The following COL4A6 variants were observed in gnomAD, a reference collection of about 807,000 sequenced individuals.
The protein encoded by COL4A6 is collagen alpha-6(IV) chain.
Under a neutral mutation model 126.7 loss-of-function variants are expected in COL4A6, and 59 were observed. The observed-to-expected ratio is 0.47, with a 90% CI of 0.38 to 0.58. The LOEUF is 0.58. COL4A6 is among the 20% of genes least tolerant of loss of function. The pLI is 0.00. For synonymous variants in COL4A6, 547 were observed against 496.6 expected (o/e 1.10, Z -1.35); for missense variants, 1,285 against 1,337.3 (o/e 0.96, Z 0.61).
At chrX:108,271,844 T>C (rs1423724440) in intron 3 of COL4A6, among the ~76,000 whole-genome samples, 4 of 112,267 alleles carry the variant, frequency 3.6e-5, no homozygotes, top group African/African-American at 3.2e-5. Flanking sequence ...ATTTACACCA[T>C]GTTTCTCTTG....
intron 2 of COL4A6, among the ~76,000 whole-genome samples, chrX:108,391,648 G>T (rs1463890386): frequency 8.9e-6 from 1 of 112,274 alleles, no homozygotes; most frequent in Non-Finnish European, 1.9e-5. Context: ...CCAGGCACCA[G>T]AGGGAATCTC....
chrX:108,185,831 A>G (rs5929106), intron 23 of COL4A6, among the ~76,000 whole-genome samples: 14 of 112,293 alleles, frequency 1.2e-4, no homozygotes, highest in Non-Finnish European at 2.3e-4. Flanking sequence ...TAGCAATGAC[A>G]TACTGTGGAG....
chrX:108,433,874 C>T lies in COL4A6; in HGVS notation c.63+4068G>A, dbSNP rs775673630. On this transcript the variant is annotated intron_variant, in intron 2 of 44. Coordinates refer to ENST00000334504, the MANE Select transcript of COL4A6 (RefSeq NM_033641.4). ...GAGCTGTGGTGTGTGCCTATAGTCC[C>T]AGCTACTCAGGAGGCTGAGGCAGGT... Among the ~76,000 whole-genome samples the T allele has an allele frequency of 5.4e-5, 6 of 111,959 alleles. No individual in the cohort carries two copies. The East Asian group carries it at 1.7e-3, about 32-fold the overall frequency.
intron 3 of COL4A6, among the ~76,000 whole-genome samples, chrX:108,286,385 G>C (rs1459316998): frequency 1.8e-5 from 2 of 112,065 alleles, no homozygotes; most frequent in African/African-American, 6.5e-5. Context: ...CTCTGAACTT[G>C]AGATGTGATG....
chrX:108,373,983 A>G (rs891279163), intron 2 of COL4A6, among the ~76,000 whole-genome samples: 2 of 112,284 alleles, frequency 1.8e-5, no homozygotes, highest in Non-Finnish European at 3.8e-5. Context: ...TCCTCCCCCA[A>G]AAGAAAATAA....
At chrX:108,297,096 G>A (rs1268146339) in intron 3 of COL4A6, among the ~76,000 whole-genome samples, 1 of 111,671 alleles carries the variant, frequency 9.0e-6, no homozygotes, top group Non-Finnish European at 1.9e-5. Context: ...GAAATTTTGA[G>A]TATAAACAAA....
intron 3 of COL4A6, among the ~76,000 whole-genome samples, chrX:108,292,000 T>A (rs1603026367): frequency 8.9e-6 from 1 of 112,108 alleles, no homozygotes; most frequent in East Asian, 2.8e-4. Context: ...ATAGAATATA[T>A]CTATGCCCAA....
intron 2 of COL4A6, among the ~76,000 whole-genome samples, chrX:108,427,086 G>A (rs1441679032): frequency 8.9e-6 from 1 of 111,735 alleles, no homozygotes; most frequent in African/African-American, 3.3e-5. Context: ...ATAAGTGGCC[G>A]GCAATAACTA....
chrX:108,402,858 A>G (rs774184778), intron 2 of COL4A6, among the ~76,000 whole-genome samples: 4 of 111,329 alleles, frequency 3.6e-5, no homozygotes, highest in African/African-American at 1.3e-4. Flanking sequence ...GGCCGAATAC[A>G]TGCTCAATTT....
chrX:108,367,314 A>G (rs1003057554), intron 2 of COL4A6, among the ~76,000 whole-genome samples: 1 of 111,925 alleles, frequency 8.9e-6, no homozygotes, highest in East Asian at 2.8e-4. Flanking sequence ...ATAATGTACA[A>G]AAGGTACTTT....
chrX:108,383,165 A>C (rs1399982281), intron 2 of COL4A6, among the ~76,000 whole-genome samples: 2 of 110,436 alleles, frequency 1.8e-5, no homozygotes, highest in Non-Finnish European at 3.8e-5. Context: ...CAGAATGAAT[A>C]AAAAGCAAGA....
At chrX:108,396,710 A>C (rs2148191561) in intron 2 of COL4A6, among the ~76,000 whole-genome samples, 1 of 111,884 alleles carries the variant, frequency 8.9e-6, no homozygotes, top group South Asian at 3.8e-4. Context: ...TAAGATTTAT[A>C]AAATGATGTC....
chrX:108,214,050 A>C (rs1198923789), intron 6 of COL4A6, 62 bp downstream of exon 6: 1 of 990,614 alleles, frequency 1.0e-6, no homozygotes, highest in African/African-American at 1.9e-5. Flanking sequence ...GAGGCAGAAA[A>C]AGGGCACACG....
At chrX:108,381,438 A>G (rs1164164711) in intron 2 of COL4A6, among the ~76,000 whole-genome samples, 4 of 112,370 alleles carry the variant, frequency 3.6e-5, no homozygotes, top group Non-Finnish European at 7.5e-5. Context: ...TGATGTCTAC[A>G]TGTTGAAAAC....
chrX:108,354,268 C>T (rs1267761742), intron 2 of COL4A6, among the ~76,000 whole-genome samples: 5 of 111,544 alleles, frequency 4.5e-5, no homozygotes, highest in Admixed American at 9.5e-5. Flanking sequence ...GGTGCTGCAC[C>T]GGATGCAAAG....
chrX:108,327,587 A>G (rs185654434), intron 2 of COL4A6, among the ~76,000 whole-genome samples: 165 of 110,186 alleles, frequency 1.5e-3, no homozygotes, highest in African/African-American at 5.2e-3. Flanking sequence ...GAATTCTAGC[A>G]AATTAAAATT....
chrX:108,384,639 A>T (rs1306076428), intron 2 of COL4A6, among the ~76,000 whole-genome samples: 1 of 111,729 alleles, frequency 9.0e-6, no homozygotes, highest in African/African-American at 3.3e-5. Flanking sequence ...GGCATGAGAG[A>T]GAACATAATT....
chrX:108,418,155 T>C (rs1312434318), intron 2 of COL4A6, among the ~76,000 whole-genome samples: 1 of 111,897 alleles, frequency 8.9e-6, no homozygotes, highest in African/African-American at 3.2e-5. Flanking sequence ...ACATAACGAA[T>C]AGGTGTTAAT....
intron 5 of COL4A6, among the ~76,000 whole-genome samples, chrX:108,217,645 C>T (rs149292131): frequency 9.3e-4 from 103 of 110,935 alleles, no homozygotes; most frequent in East Asian, 5.7e-3. Context: ...GTATTTGAGA[C>T]GGGTACCAAT....
Sources: gnomAD v4.1 joint callset for allele counts (sites outside exome capture counted in the v4.1 genomes callset) on GRCh38, gnomAD v4.1.1 for gene constraint, MANE v1.5 for transcripts, NCBI Gene and HGNC (gene_info 2026-07-23, HGNC 2026-07-21) for gene names.